The following GDAP1 variants were observed in gnomAD, a reference collection of about 807,000 sequenced individuals.
GDAP1 encodes the protein ganglioside induced differentiation associated protein 1, also known as ganglioside-induced differentiation-associated protein 1.
Under a neutral mutation model 40.1 loss-of-function variants are expected in GDAP1, and 34 were observed. The observed-to-expected ratio is 0.85, with a 90% CI of 0.64 to 1.13. The LOEUF is 1.13. GDAP1 is among the 50% of genes most tolerant of loss of function. The pLI is 0.00. For missense variants in GDAP1, 374 were observed against 433.7 expected (o/e 0.86, Z 1.22); for synonymous variants, 170 against 157.4 (o/e 1.08, Z -0.60).
Position 74,360,268 on chromosome 8 carries a change from G to A in GDAP1, c.442G>A (p.Val148Met), listed in dbSNP as rs767973703. The A allele has an allele frequency of 1.5e-5, 25 of 1,613,874 alleles. No homozygotes were observed. The South Asian group carries it at 2.3e-4, about 15-fold the overall frequency. Reference sequence around the variant, plus strand: ...CTGCATTTTACATCCTGAGTTAACTGTGGACTCCATGATCCCGGCTTATGC... The same window carrying A: ...CTGCATTTTACATCCTGAGTTAACTATGGACTCCATGATCCCGGCTTATGC... ...HGCILHPELT[V>M]DSMIPAYATT... The change falls in exon 3 of 6, where the codon GTG becomes ATG. Residue 148 changes from valine (V) to methionine (M), a missense_variant. By Grantham distance (21) the Val-to-Met change is conservative (BLOSUM62 1). Coordinates refer to ENST00000220822, the MANE Select transcript of GDAP1 (RefSeq NM_018972.4).
chr8:74,419,797 A>G (rs1805832678), intron 2 of GDAP1, among the ~76,000 whole-genome samples: 1 of 152,076 alleles, frequency 6.6e-6, no homozygotes, highest in Admixed American at 6.6e-5. Context: ...CAGCTTTTAT[A>G]CTTAGGGCAT....
At chr8:74,404,696 G>C (rs558617475) in intron 2 of GDAP1, among the ~76,000 whole-genome samples, 2 of 149,718 alleles carry the variant, frequency 1.3e-5, no homozygotes, top group African/African-American at 2.6e-5. Flanking sequence ...GATCTTTAGG[G>C]AGACCGTTCT....
At chr8:74,437,107 G>T (rs886946291) in intron 2 of GDAP1, among the ~76,000 whole-genome samples, 1 of 152,158 alleles carries the variant, frequency 6.6e-6, no homozygotes, top group African/African-American at 2.4e-5. Context: ...AGAAGTCATG[G>T]AATAACATCC....
Position 74,403,562 on chromosome 8 carries a change from G to A in GDAP1, c.165+52241G>A, listed in dbSNP as rs140802073. Among the ~76,000 whole-genome samples the A allele has an allele frequency of 1.1e-4, 17 of 150,222 alleles. 2 individuals are homozygous for A. Among genetic ancestry groups the A allele is most frequent in the East Asian group, 7.7e-4 (4 of 5,186 alleles). On this transcript the variant is annotated intron_variant, in intron 2 of 2. Transcript: ENST00000523640. ...TATTTATAAGTTTTACACACTTAAC[G>A]TTTTAGCTTTTGCTGGTGAAGCATA...
At chr8:74,426,298 G>A (rs1805946802) in intron 2 of GDAP1, among the ~76,000 whole-genome samples, 1 of 152,178 alleles carries the variant, frequency 6.6e-6, no homozygotes, top group Admixed American at 6.5e-5. Context: ...ATACAATATA[G>A]TACTGGTAAC....
At chr8:74,483,887 G>A (rs184753250) in intron 2 of GDAP1, among the ~76,000 whole-genome samples, 264 of 152,194 alleles carry the variant, frequency 1.7e-3, no homozygotes, top group African/African-American at 6.3e-3. Flanking sequence ...CCACCTTACG[G>A]GATAGTTGGC....
chr8:74,401,883 G>A (rs919567534), intron 2 of GDAP1, among the ~76,000 whole-genome samples: 38 of 149,958 alleles, frequency 2.5e-4, no homozygotes, highest in African/African-American at 3.6e-4. Flanking sequence ...TTCTTGAACC[G>A]CGAATGCTGC....
chr8:74,389,050 C>G (rs4621802), intron 2 of GDAP1, among the ~76,000 whole-genome samples: 29,038 of 151,950 alleles, frequency 0.19, 3,016 homozygotes, highest in Admixed American at 0.31. Flanking sequence ...TCCTCCATCC[C>G]TCTATTTTGA....
intron 2 of GDAP1, among the ~76,000 whole-genome samples, chr8:74,400,059 A>G (rs1326737174): frequency 2.0e-5 from 3 of 147,556 alleles, no homozygotes; most frequent in African/African-American, 8.0e-5. Context: ...GTAGATGTCT[A>G]TTAGGTCCGC....
intron 2 of GDAP1, among the ~76,000 whole-genome samples, chr8:74,429,973 A>C (rs1359563536): frequency 1.3e-5 from 2 of 152,196 alleles, no homozygotes; most frequent in Non-Finnish European, 2.9e-5. Flanking sequence ...ACCTGTTCTA[A>C]TATACAGTGT....
At chr8:74,362,806 C>A (rs1222099421) in intron 4 of GDAP1, 133 bp from the exon 5 acceptor site, 5 of 43,222 alleles carry the variant, frequency 1.2e-4, no homozygotes, top group East Asian at 5.7e-4. Flanking sequence ...TTTTTTTTTG[C>A]TGAGTTTTTC....
At chr8:74,431,193 T>C (rs1806020691) in intron 2 of GDAP1, among the ~76,000 whole-genome samples, 1 of 150,342 alleles carries the variant, frequency 6.7e-6, no homozygotes, top group Non-Finnish European at 1.5e-5. Flanking sequence ...ATGTATGATA[T>C]TTATGAGCTA....
intron 2 of GDAP1, among the ~76,000 whole-genome samples, chr8:74,478,506 C>T (rs1253373670): frequency 2.0e-5 from 3 of 152,002 alleles, no homozygotes; most frequent in South Asian, 2.1e-4. Flanking sequence ...GGAGGCTGCA[C>T]CGCAAGCAGG....
intron 2 of GDAP1, among the ~76,000 whole-genome samples, chr8:74,422,493 C>CCCCTTCCTTCCTTCCT (rs1805889490): frequency 3.8e-5 from 4 of 104,744 alleles, no homozygotes; most frequent in African/African-American, 1.9e-4. Context: ...TCCCTCCTTT[C>CCCCTTCCTTCCTTCCT]TCCTTCCTTC....
At chr8:74,412,428 A>G (rs560552346) in intron 2 of GDAP1, among the ~76,000 whole-genome samples, 1 of 150,346 alleles carries the variant, frequency 6.7e-6, no homozygotes. Context: ...AAATGGCTAA[A>G]GACACAAATT....
At chr8:74,442,154 G>A (rs1806169843) in intron 2 of GDAP1, among the ~76,000 whole-genome samples, 1 of 152,192 alleles carries the variant, frequency 6.6e-6, no homozygotes, top group African/African-American at 2.4e-5. Flanking sequence ...ACCTGATGAT[G>A]ACCATACTAA....
At chr8:74,391,019 G>A (rs770493427) in intron 2 of GDAP1, among the ~76,000 whole-genome samples, 10 of 152,090 alleles carry the variant, frequency 6.6e-5, no homozygotes, top group African/African-American at 1.4e-4. Flanking sequence ...CAGTAATGGC[G>A]GACACCCCTC....
intron 2 of GDAP1, among the ~76,000 whole-genome samples, chr8:74,358,869 C>A (rs563180290): frequency 3.9e-4 from 60 of 152,296 alleles, no homozygotes; most frequent in African/African-American, 1.3e-3. Context: ...TAGGCACAAT[C>A]CATGGCAATA....
rs1227376533 is a variant in GDAP1 at position 74,364,211 on chromosome 8, A to G, written c.921A>G (p.Thr307=). Residue 307 remains threonine, a synonymous_variant, in exon 6 of 6, where the codon ACA becomes ACG. Transcript: ENST00000220822. Reference sequence around the variant, plus strand: ...TATTAATCTCTGCAGTGCTGCCAACAGCATTCCGGGTGGCCAAGAAAAGGG... The same window carrying G: ...TATTAATCTCTGCAGTGCTGCCAACGGCATTCCGGGTGGCCAAGAAAAGGG... ...NNILISAVLP[T]AFRVAKKRAP... 2 of 1,614,186 alleles carry G rather than the reference A, an allele frequency of 1.2e-6. No homozygotes were observed. Among genetic ancestry groups the G allele is most frequent in the African/African-American group, 1.3e-5 (1 of 75,052 alleles).
Sources: allele counts gnomAD v4.1 joint callset (sites outside exome capture counted in the v4.1 genomes callset), GRCh38; gene constraint gnomAD v4.1.1; transcripts MANE v1.5; gene names NCBI Gene and HGNC (gene_info 2026-07-23, HGNC 2026-07-21).